The following EFR3A variants were observed in gnomAD, a reference collection of about 807,000 sequenced individuals.
EFR3A encodes protein EFR3 homolog A.
A neutral mutation model predicts 104.4 loss-of-function variants in EFR3A; 76 were observed. The ratio of observed to expected loss-of-function variants is 0.73; its 90% CI spans 0.60 to 0.88. The LOEUF is 0.88. EFR3A is among the 40% of genes least tolerant of loss of function. The probability of loss-of-function intolerance (pLI) is 0.00; values close to 1 mark genes in which losing one functional copy is unlikely to be tolerated. For missense variants in EFR3A, 985 were observed against 1,012.5 expected (o/e 0.97, Z 0.37); for synonymous variants, 330 against 330.0 (o/e 1.00, Z 0.00).
At chr8:131,980,857 T>G (rs1248471309) in intron 14 of EFR3A, among the ~76,000 whole-genome samples, 1 of 152,074 alleles carries the variant, frequency 6.6e-6, no homozygotes, top group Non-Finnish European at 1.5e-5. Flanking sequence ...ACCACCATTC[T>G]CTACTTCTGT....
intron 10 of EFR3A, among the ~76,000 whole-genome samples, chr8:131,972,768 C>T (rs567699895): frequency 6.6e-6 from 1 of 151,992 alleles, no homozygotes; most frequent in African/African-American, 2.4e-5. Flanking sequence ...ATATAAATTT[C>T]TTCTGAAACT....
intron 8 of EFR3A, among the ~76,000 whole-genome samples, chr8:131,967,282 T>C (rs936439936): frequency 2.6e-5 from 4 of 152,174 alleles, no homozygotes; most frequent in African/African-American, 9.6e-5. Context: ...ATTTGAGAAA[T>C]ACCTAGAGAT....
At chr8:131,965,566 T>C (rs1388718590) in intron 8 of EFR3A, among the ~76,000 whole-genome samples, 1 of 152,154 alleles carries the variant, frequency 6.6e-6, no homozygotes, top group African/African-American at 2.4e-5. Flanking sequence ...AAACAACAGG[T>C]GCTGGAGAGG....
At chr8:131,977,196 G>A in intron 12 of EFR3A, 104 bp downstream of exon 12, 1 of 759,374 alleles carries the variant, frequency 1.3e-6, no homozygotes, top group Non-Finnish European at 2.1e-6. Context: ...GTAAGTTACT[G>A]TTTATGGTTA....
intron 1 of EFR3A, among the ~76,000 whole-genome samples, chr8:131,928,841 G>C (rs925794960): frequency 6.6e-6 from 1 of 151,250 alleles, no homozygotes; most frequent in Admixed American, 6.6e-5. Flanking sequence ...CTCTATAATT[G>C]GTACCTTTGT....
chr8:131,938,582 C>T (rs1487284475), intron 1 of EFR3A, among the ~76,000 whole-genome samples: 1 of 152,104 alleles, frequency 6.6e-6, no homozygotes, highest in East Asian at 1.9e-4. Flanking sequence ...CTGAGAAACT[C>T]ACTGTGATCA....
chr8:131,971,414 C>T lies in EFR3A; in HGVS notation c.1159+771C>T, dbSNP rs920653128. On this transcript the variant is annotated intron_variant, in intron 10 of 22. Transcript: ENST00000254624. ...GGTGTTTCCTTGTGATTAGGCCGTG[C>T]GCGGTGGCTCACACCTGTAATCCCA... is the stretch of plus-strand genomic sequence containing the variant. Among the ~76,000 whole-genome samples the T allele has an allele frequency of 3.9e-5, 6 of 152,102 alleles. No individual in the cohort carries two copies. The South Asian group carries it at 6.2e-4, about 16-fold the overall frequency.
intron 1 of EFR3A, among the ~76,000 whole-genome samples, chr8:131,928,109 C>A (rs1418479910): frequency 6.6e-6 from 1 of 152,130 alleles, no homozygotes; most frequent in East Asian, 1.9e-4. Context: ...GCATTCCTGG[C>A]ACTTTGCGTG....
intron 1 of EFR3A, among the ~76,000 whole-genome samples, chr8:131,912,598 A>T (rs1048708879): frequency 3.3e-5 from 5 of 152,174 alleles, no homozygotes; most frequent in African/African-American, 1.2e-4. Context: ...ACTTTTGGGG[A>T]TCTATCCTTT....
At chr8:131,933,268 G>A (rs6997374) in intron 1 of EFR3A, among the ~76,000 whole-genome samples, 6,306 of 152,190 alleles carry the variant, frequency 0.041, 324 homozygotes, top group East Asian at 0.12. Context: ...TTCCCCCTGA[G>A]CACATTGAAG....
chr8:131,931,588 C>G lies in EFR3A; in HGVS notation c.11-8911C>G, dbSNP rs1817614959. Among the ~76,000 whole-genome samples, 5 of 151,890 alleles carry G rather than the reference C, an allele frequency of 3.3e-5. No individual in the cohort carries two copies. The South Asian group carries it at 1.0e-3, about 32-fold the overall frequency. ...ATATTAGACTGCTTAATATCAGGAACCAGTTGTATGAATATTTGCAAATTT... is the reference window on the plus strand; with the variant it reads ...ATATTAGACTGCTTAATATCAGGAAGCAGTTGTATGAATATTTGCAAATTT... On this transcript the variant is annotated intron_variant, in intron 1 of 22. Transcript: ENST00000254624.
At chr8:131,976,954 G>A (rs1820353529) in intron 11 of EFR3A, 87 bp from the exon 12 acceptor site, 2 of 929,054 alleles carry the variant, frequency 2.2e-6, no homozygotes, top group Non-Finnish European at 3.2e-6. Context: ...TAGCCAATAA[G>A]AATAGAATTT....
chr8:131,987,512 T>G, intron 17 of EFR3A, 63 bp from the exon 18 acceptor site: 1 of 1,503,344 alleles, frequency 6.7e-7, no homozygotes, highest in East Asian at 2.4e-5. Context: ...ATGTTTTGCA[T>G]AGTAACTTAT....
At chr8:131,996,342 T>C (rs1459436029) in intron 18 of EFR3A, 64 bp from the exon 19 acceptor site, 1 of 1,031,652 alleles carries the variant, frequency 9.7e-7, no homozygotes, top group African/African-American at 1.7e-5. Context: ...ATAAGTAGAG[T>C]TTATAAATGA....
At chr8:131,928,809 T>C (rs1333360463) in intron 1 of EFR3A, among the ~76,000 whole-genome samples, 5 of 152,160 alleles carry the variant, frequency 3.3e-5, no homozygotes, top group Non-Finnish European at 7.4e-5. Context: ...TGGAGCGTTT[T>C]TTTAAAGTCC....
intron 18 of EFR3A, among the ~76,000 whole-genome samples, chr8:131,988,295 T>C (rs773427920): frequency 1.3e-5 from 2 of 152,166 alleles, no homozygotes; most frequent in Non-Finnish European, 2.9e-5. Flanking sequence ...TTATGTCTTA[T>C]GCTTTCATTT....
chr8:131,945,442 T>C (rs1818390506), intron 3 of EFR3A, among the ~76,000 whole-genome samples: 1 of 152,034 alleles, frequency 6.6e-6, no homozygotes, highest in Non-Finnish European at 1.5e-5. Flanking sequence ...CAATTTGGAT[T>C]ATAAATACTT....
chr8:131,929,954 T>G (rs1297442137), intron 1 of EFR3A, among the ~76,000 whole-genome samples: 1 of 152,208 alleles, frequency 6.6e-6, no homozygotes, highest in South Asian at 2.1e-4. Flanking sequence ...ATCTAAACTT[T>G]CCAATGATGT....
intron 1 of EFR3A, among the ~76,000 whole-genome samples, chr8:131,927,049 G>T (rs572484177): frequency 2.6e-5 from 4 of 152,162 alleles, no homozygotes; most frequent in Non-Finnish European, 5.9e-5. Context: ...ATTTCACCCT[G>T]TGAGTCTTTC....
Sources: gnomAD v4.1 joint callset for allele counts (sites outside exome capture counted in the v4.1 genomes callset) on GRCh38, gnomAD v4.1.1 for gene constraint, MANE v1.5 for transcripts, NCBI Gene and HGNC (gene_info 2026-07-23, HGNC 2026-07-21) for gene names.